Variants in RABL3 observed in about 807,000 individuals in gnomAD.
The protein encoded by RABL3 is RAB, member of RAS oncogene family like 3, also known as rab-like protein 3.
RABL3 carries 31 observed loss-of-function variants against 31.8 expected under a neutral mutation model. The ratio of observed to expected loss-of-function variants is 0.97; its 90% confidence interval spans 0.73 to 1.31. The LOEUF (loss-of-function observed/expected upper bound fraction) is 1.31. Among genes scored for constraint, RABL3 ranks in the 40% most tolerant of loss-of-function variants. The pLI is 0.00. For synonymous variants in RABL3, 97 were observed against 99.9 expected (o/e 0.97, Z 0.18); for missense variants, 263 against 279.6 (o/e 0.94, Z 0.42).
intron 4 of RABL3, 81 bp downstream of exon 4, chr3:120,705,919 A>C (rs1708542362): frequency 1.2e-6 from 1 of 862,386 alleles, no homozygotes; most frequent in Admixed American, 1.9e-5. Context: ...TTGCAAATCA[A>C]ACATTTTACA....
intron 5 of RABL3, among the ~76,000 whole-genome samples, chr3:120,695,787 A>C (rs1013979705): frequency 1.3e-5 from 2 of 152,192 alleles, no homozygotes; most frequent in African/African-American, 2.4e-5. Flanking sequence ...AGAATGTCAA[A>C]AGTTTGAGAC....
chr3:120,729,648 G>T (rs1324612564), intron 2 of RABL3, among the ~76,000 whole-genome samples: 4 of 152,012 alleles, frequency 2.6e-5, no homozygotes, highest in Non-Finnish European at 5.9e-5. Flanking sequence ...AAATTAAAAA[G>T]TATAGGTACT....
intron 1 of RABL3, among the ~76,000 whole-genome samples, chr3:120,742,039 C>T (rs1559826990): frequency 6.6e-6 from 1 of 150,930 alleles, no homozygotes; most frequent in Non-Finnish European, 1.5e-5. Flanking sequence ...GCACGTTTCT[C>T]AGTGCACGTT....
chr3:120,705,099 A>C (rs533802261), intron 4 of RABL3, among the ~76,000 whole-genome samples: 1 of 152,338 alleles, frequency 6.6e-6, no homozygotes, highest in South Asian at 2.1e-4. Flanking sequence ...TATAAATCTA[A>C]TAAAACATGC....
chr3:120,726,666 C>T (rs377488696), intron 2 of RABL3, among the ~76,000 whole-genome samples: 9 of 152,054 alleles, frequency 5.9e-5, no homozygotes, highest in East Asian at 1.9e-4. Flanking sequence ...ATCGCTTGAA[C>T]CCGGGAGGCA....
intron 1 of RABL3, among the ~76,000 whole-genome samples, chr3:120,736,169 G>A (rs1467954594): frequency 3.3e-5 from 5 of 152,116 alleles, no homozygotes; most frequent in Admixed American, 1.3e-4. Context: ...TTTTTATTGC[G>A]TGGGAGTCTA....
chr3:120,709,968 C>T, intron 2 of RABL3, 59 bp from the exon 3 acceptor site: 1 of 1,279,080 alleles, frequency 7.8e-7, no homozygotes, highest in Non-Finnish European at 1.1e-6. Flanking sequence ...AGTAAGTACC[C>T]TTATTCCGGT....
chr3:120,701,221 G>A (rs140880954), intron 4 of RABL3, among the ~76,000 whole-genome samples: 2,953 of 152,070 alleles, frequency 0.019, 46 homozygotes, highest in Middle Eastern at 0.048. Flanking sequence ...AGTTCATAGA[G>A]ATCTTCCTGA....
At chr3:120,702,941 C>T (rs1708510695) in intron 4 of RABL3, among the ~76,000 whole-genome samples, 1 of 152,152 alleles carries the variant, frequency 6.6e-6, no homozygotes. Context: ...TGTCCTTCTA[C>T]CACTTGGCCC....
chr3:120,712,817 T>A (rs115121342), intron 2 of RABL3, among the ~76,000 whole-genome samples: 92 of 152,342 alleles, frequency 6.0e-4, no homozygotes, highest in Non-Finnish European at 1.2e-3. Context: ...GTTTTTATTA[T>A]GTTCAGTTTA....
At chr3:120,732,369 C>A (rs1319217692) in intron 1 of RABL3, among the ~76,000 whole-genome samples, 2 of 152,044 alleles carry the variant, frequency 1.3e-5, no homozygotes, top group African/African-American at 2.4e-5. Context: ...CTCCACTGTA[C>A]CCTGTACATT....
At chr3:120,737,170 C>G (rs1256542054) in intron 1 of RABL3, among the ~76,000 whole-genome samples, 1 of 152,220 alleles carries the variant, frequency 6.6e-6, no homozygotes, top group Admixed American at 6.5e-5. Context: ...ACCAATCAGA[C>G]ATAGATTTGG....
At chr3:120,705,962 T>C in intron 4 of RABL3, 38 bp downstream of exon 4, 4 of 1,186,080 alleles carry the variant, frequency 3.4e-6, no homozygotes, top group Non-Finnish European at 5.1e-6. Flanking sequence ...TTCCTGTGAT[T>C]GCTACAATCT....
At chr3:120,737,316 C>T (rs537353864) in intron 1 of RABL3, among the ~76,000 whole-genome samples, 5 of 152,338 alleles carry the variant, frequency 3.3e-5, no homozygotes, top group South Asian at 2.1e-4. Context: ...TTGATCAAAT[C>T]GGCTACTGAA....
chr3:120,731,744 C>A (rs1708885742), intron 1 of RABL3, among the ~76,000 whole-genome samples: 1 of 152,058 alleles, frequency 6.6e-6, no homozygotes, highest in Admixed American at 6.6e-5. Flanking sequence ...GTTATATTTA[C>A]AATCTAGAAA....
Position 120,689,763 on chromosome 3 carries a change from G to T in RABL3, c.*60C>A. 1.8e-6 allele frequency: 2 copies of T among 1,131,372 alleles called. No homozygotes were observed. The highest frequency in any genetic ancestry group is 2.7e-6 in the Non-Finnish European group (2 of 743,818). 70.1% of individuals were successfully genotyped at this position (1,131,372 alleles called of 1,614,324 possible). A position where few individuals can be genotyped will look rare whatever the true frequency, so the allele number is the denominator to read the frequency against. ...GCTGTGATGGTAATAATTGAACACAGCAAGATGAGCTGTGAAAAACTGCCA... is the reference window on the plus strand; with the variant it reads ...GCTGTGATGGTAATAATTGAACACATCAAGATGAGCTGTGAAAAACTGCCA... On this transcript the variant is annotated 3_prime_UTR_variant, in exon 8 of 8. Transcript: ENST00000273375.
At chr3:120,723,598 C>T (rs1330043240) in intron 2 of RABL3, among the ~76,000 whole-genome samples, 1 of 152,202 alleles carries the variant, frequency 6.6e-6, no homozygotes, top group Non-Finnish European at 1.5e-5. Flanking sequence ...AGCTTATCCA[C>T]CATGATCAAG....
intron 6 of RABL3, 114 bp from the exon 7 acceptor site, chr3:120,690,601 T>C: frequency 1.4e-6 from 1 of 708,026 alleles, no homozygotes. Context: ...ATCTTTTCCA[T>C]AGCAGTAGAC....
At chr3:120,722,973 T>C (rs895209188) in intron 2 of RABL3, among the ~76,000 whole-genome samples, 5 of 151,844 alleles carry the variant, frequency 3.3e-5, no homozygotes, top group Non-Finnish European at 5.9e-5. Flanking sequence ...GAAATAATGA[T>C]ACAAAAAACT....
Sources: gnomAD v4.1 joint callset for allele counts (sites outside exome capture counted in the v4.1 genomes callset) on GRCh38, gnomAD v4.1.1 for gene constraint, MANE v1.5 for transcripts, NCBI Gene and HGNC (gene_info 2026-07-23, HGNC 2026-07-21) for gene names.